Variants in HDAC9 observed in about 807,000 individuals in gnomAD.
HDAC9 encodes the protein histone deacetylase 9.
Under a neutral mutation model 139.4 loss-of-function variants are expected in HDAC9, and 41 were observed. The ratio of observed to expected loss-of-function variants is 0.29; its 90% CI spans 0.23 to 0.38. The LOEUF (loss-of-function observed/expected upper bound fraction) is 0.38. Among genes scored for constraint, HDAC9 ranks in the 10% least tolerant of loss-of-function variants. The pLI is 1.00. For missense variants in HDAC9, 1,147 were observed against 1,297.0 expected (o/e 0.88, Z 1.78); for synonymous variants, 517 against 476.2 (o/e 1.09, Z -1.12).
intron 2 of HDAC9, among the ~76,000 whole-genome samples, chr7:18,209,148 G>A (rs781466585): frequency 1.3e-5 from 2 of 152,222 alleles, no homozygotes; most frequent in Non-Finnish European, 2.9e-5. Context: ...GAAAGGGCTA[G>A]TGACTTTTCT....
At chr7:18,201,142 C>G (rs1029419499) in intron 2 of HDAC9, among the ~76,000 whole-genome samples, 8 of 152,222 alleles carry the variant, frequency 5.3e-5, no homozygotes, top group Middle Eastern at 3.4e-3. Flanking sequence ...CTCTGCAAGT[C>G]TATCCGGCTG....
upstream of HDAC9, among the ~76,000 whole-genome samples, chr7:18,286,777 C>A (rs932037148): frequency 3.3e-5 from 5 of 151,982 alleles, no homozygotes; most frequent in East Asian, 7.7e-4. Context: ...TACTAAAGCA[C>A]CTTCATTTTA....
intron 1 of HDAC9, among the ~76,000 whole-genome samples, chr7:18,155,649 T>G (rs17138691): frequency 0.014 from 2,094 of 152,298 alleles, 48 homozygotes; most frequent in African/African-American, 0.047. Context: ...AGTCTTAGAA[T>G]GGAGCTTATT....
At chr7:18,822,108 A>T (rs1795018501) in intron 17 of HDAC9, among the ~76,000 whole-genome samples, 1 of 152,120 alleles carries the variant, frequency 6.6e-6, no homozygotes, top group Admixed American at 6.5e-5. Context: ...CATGGGCAAG[A>T]TTGATCAAAT....
chr7:18,596,593 G>C (rs1268928412), intron 6 of HDAC9, among the ~76,000 whole-genome samples: 1 of 152,066 alleles, frequency 6.6e-6, no homozygotes, highest in Non-Finnish European at 1.5e-5. Context: ...TGATGATTGG[G>C]GAAACTGTTT....
At chr7:18,252,990 C>G (rs1795016583) in intron 2 of HDAC9, among the ~76,000 whole-genome samples, 1 of 152,186 alleles carries the variant, frequency 6.6e-6, no homozygotes, top group South Asian at 2.1e-4. Flanking sequence ...CTCCCACTTA[C>G]AAGTGAGAAC....
At chr7:18,215,929 A>T (rs1223487634) in intron 2 of HDAC9, among the ~76,000 whole-genome samples, 1 of 152,176 alleles carries the variant, frequency 6.6e-6, no homozygotes, top group Non-Finnish European at 1.5e-5. Context: ...TTCATCTGGT[A>T]TATCATATTC....
At chr7:18,157,107 G>A (rs1787268513) in intron 1 of HDAC9, among the ~76,000 whole-genome samples, 1 of 152,114 alleles carries the variant, frequency 6.6e-6, no homozygotes, top group Non-Finnish European at 1.5e-5. Flanking sequence ...AGAATTCAAG[G>A]TGGGAGATGC....
intron 22 of HDAC9, among the ~76,000 whole-genome samples, chr7:18,922,152 A>G (rs544156370): frequency 6.6e-6 from 1 of 152,026 alleles, no homozygotes; most frequent in African/African-American, 2.4e-5. Flanking sequence ...TGGGTGCAGC[A>G]CACCAACATG....
chr7:18,909,458 T>G lies in HDAC9; in HGVS notation c.2804-26351T>G, dbSNP rs186521359. On this transcript the variant is annotated intron_variant, in intron 22 of 25. Transcript: ENST00000686413. ...GTGTTTGAAGCCTTATCCATAAAGT[T>G]CTTGCCCAGCTGAATGTCCCAAAGC... Among the ~76,000 whole-genome samples the G allele has an allele frequency of 2.5e-4, 38 of 152,102 alleles. 1 individual carries two copies. Among genetic ancestry groups the G allele is most frequent in the African/African-American group, 8.7e-4 (36 of 41,548 alleles).
intron 2 of HDAC9, among the ~76,000 whole-genome samples, chr7:18,275,505 A>G (rs925081511): frequency 2.6e-5 from 4 of 152,094 alleles, no homozygotes; most frequent in African/African-American, 9.7e-5. Context: ...GAAAAAGCCA[A>G]AGTCTTAAAA....
At chr7:18,766,355 C>G (rs1481101004) in intron 15 of HDAC9, among the ~76,000 whole-genome samples, 1 of 152,144 alleles carries the variant, frequency 6.6e-6, no homozygotes, top group Non-Finnish European at 1.5e-5. Context: ...AATAAAAGTA[C>G]AGGTAAACAA....
chr7:18,834,715 G>A (rs1796107233), intron 19 of HDAC9, among the ~76,000 whole-genome samples: 1 of 152,170 alleles, frequency 6.6e-6, no homozygotes, highest in Non-Finnish European at 1.5e-5. Context: ...TCATGCTCCT[G>A]CGTCTTCGAC....
At position 18,996,076 on chromosome 7, in the gene HDAC9, C is replaced by T. The variant is rs761599853; in HGVS notation, c.*14C>T. The T allele has an allele frequency of 1.9e-6, 3 of 1,594,744 alleles. No individual in the cohort carries two copies. Among genetic ancestry groups the T allele is most frequent in the Non-Finnish European group, 1.7e-6 (2 of 1,167,784 alleles). ...CCAGCCTTGTGAAGTGCCAAGTCCC[C>T]CTCTGATATTTCCTGTGTGTGACAT... On this transcript the variant is annotated 3_prime_UTR_variant, in exon 26 of 26. Transcript: ENST00000686413.
chr7:18,888,249 G>A (rs1444959966), intron 22 of HDAC9, among the ~76,000 whole-genome samples: 6 of 152,034 alleles, frequency 3.9e-5, no homozygotes, highest in African/African-American at 1.4e-4. Flanking sequence ...GTGAAACCCC[G>A]TCTCTACTAA....
At chr7:18,411,817 CTTTTTTTTTTTTT>C (rs71014326) in intron 1 of HDAC9, among the ~76,000 whole-genome samples, 1 of 88,942 alleles carries the variant, frequency 1.1e-5, no homozygotes, top group African/African-American at 4.8e-5. Flanking sequence ...TTTCAACTTG[CTTTTTTTTTTTTT>C]TTTTTTTTTT....
chr7:18,685,160 A>C (rs1393952923), intron 12 of HDAC9, among the ~76,000 whole-genome samples: 2 of 152,050 alleles, frequency 1.3e-5, no homozygotes, highest in Non-Finnish European at 2.9e-5. Flanking sequence ...ATAAAAAAAG[A>C]CTGTCAAACA....
chr7:18,570,955 G>T (rs1824084153), intron 2 of HDAC9, among the ~76,000 whole-genome samples: 2 of 152,184 alleles, frequency 1.3e-5, no homozygotes, highest in South Asian at 2.1e-4. Context: ...TACATTTAGG[G>T]AAGTCACATT....
At chr7:18,866,195 T>G (rs1179638400) in intron 21 of HDAC9, among the ~76,000 whole-genome samples, 2 of 151,288 alleles carry the variant, frequency 1.3e-5, no homozygotes, top group Admixed American at 1.3e-4. Flanking sequence ...TTTGATGCCC[T>G]GAATATGTGG....
Sources: gnomAD v4.1 joint callset for allele counts (sites outside exome capture counted in the v4.1 genomes callset) on GRCh38, gnomAD v4.1.1 for gene constraint, MANE v1.5 for transcripts, NCBI Gene and HGNC (gene_info 2026-07-23, HGNC 2026-07-21) for gene names.